Variants in CELF1 observed in about 807,000 individuals in gnomAD.
CELF1 encodes the protein 50 kDa nuclear polyadenylated RNA-binding protein.
Under a neutral mutation model 61.8 loss-of-function variants are expected in CELF1, and 10 were observed. The ratio of observed to expected loss-of-function variants is 0.16; its 90% CI spans 0.10 to 0.27. The LOEUF (loss-of-function observed/expected upper bound fraction) is 0.27. CELF1 is among the 10% of genes least tolerant of loss of function. The pLI, the probability that CELF1 is intolerant of heterozygous loss-of-function variation, is 1.00. For synonymous variants in CELF1, 236 were observed against 225.1 expected (o/e 1.05, Z -0.43); for missense variants, 380 against 639.1 (o/e 0.59, Z 4.37).
At chr11:47,544,359 C>T (rs1169799493) in intron 1 of CELF1, among the ~76,000 whole-genome samples, 1 of 152,188 alleles carries the variant, frequency 6.6e-6, no homozygotes, top group Non-Finnish European at 1.5e-5. Flanking sequence ...CAGTGCCTAG[C>T]ATAAGTTACC....
At chr11:47,478,844 G>A (rs1247627042) in intron 10 of CELF1, 33 bp downstream of exon 10, 3 of 1,546,458 alleles carry the variant, frequency 1.9e-6, no homozygotes, top group South Asian at 2.3e-5. Context: ...TGGCCTGGGT[G>A]CTGCTGCTCC....
chr11:47,483,569 T>G (rs1268753696), intron 7 of CELF1, 37 bp from the exon 8 acceptor site: 1 of 1,503,300 alleles, frequency 6.7e-7, no homozygotes, highest in Admixed American at 1.7e-5. Context: ...TGCATTCATT[T>G]ATTTCTCTGA....
At chr11:47,514,662 C>G (rs558381523) in intron 1 of CELF1, among the ~76,000 whole-genome samples, 6 of 147,560 alleles carry the variant, frequency 4.1e-5, no homozygotes, top group African/African-American at 1.5e-4. Context: ...TTGAGACCAG[C>G]CTCGGCAACA....
Position 47,484,476 on chromosome 11 carries a change from T to C in CELF1, c.439A>G (p.Thr147Ala). The C allele has an allele frequency of 6.2e-7, 1 of 1,613,444 alleles. No homozygotes were observed. The highest frequency in any genetic ancestry group is 8.5e-7 in the Non-Finnish European group (1 of 1,179,706). ...AACATGACTCGGATGTCATTTTCAG[T>C]GCACTTCTTGGAAATCATACCAATA... is the stretch of plus-strand genomic sequence containing the variant. The part of the protein sequence containing the change: ...LFIGMISKKC[T>A]ENDIRVMFSS... Residue 147 changes from threonine to alanine, a missense_variant, in exon 7 of 15, where the codon ACT (threonine) becomes GCT (alanine). Transcript: ENST00000687097.
At chr11:47,561,616 T>C (rs541738091) in intron 2 of CELF1, among the ~76,000 whole-genome samples, 2 of 152,108 alleles carry the variant, frequency 1.3e-5, no homozygotes, top group Non-Finnish European at 1.5e-5. Context: ...AAACTGACAG[T>C]TCTTCAAAAG....
chr11:47,488,847 A>C lies in CELF1; in HGVS notation c.249T>G (p.Pro83=). The C allele has an allele frequency of 6.4e-7, 1 of 1,556,390 alleles. No homozygotes were observed. Among genetic ancestry groups the C allele is most frequent in the Non-Finnish European group, 8.7e-7 (1 of 1,153,452 alleles). Residue 83 remains proline, a synonymous_variant, in exon 4 of 15, where the codon CCT becomes CCG. Coordinates refer to ENST00000687097, the MANE Select transcript of CELF1 (RefSeq NM_001376376.1). ...NVLRDRSQNP[P]QSKGCCFVTF... ...ACCCAAAGCCCTAACCTTTGCTCTG[A>C]GGCGGGTTTTGGCTCCTATCCCTTA...
At chr11:47,481,090 T>C (rs1217028770) in intron 9 of CELF1, among the ~76,000 whole-genome samples, 1 of 105,564 alleles carries the variant, frequency 9.5e-6, no homozygotes, top group Non-Finnish European at 2.2e-5. Flanking sequence ...GGTTTTTTTT[T>C]TTTTTCTTCT....
chr11:47,478,764 C>A, intron 10 of CELF1, 113 bp downstream of exon 10: 1 of 821,132 alleles, frequency 1.2e-6, no homozygotes, highest in South Asian at 1.5e-5. Context: ...GTCAGGTTTA[C>A]ATAATAAGCA....
intron 1 of CELF1, among the ~76,000 whole-genome samples, chr11:47,515,347 T>C (rs2095497501): frequency 6.6e-6 from 1 of 152,198 alleles, no homozygotes; most frequent in Non-Finnish European, 1.5e-5. Flanking sequence ...ACAAAGTACC[T>C]AATTCAAACC....
chr11:47,481,102 CTTTTTTTT>C (rs1187959061), intron 9 of CELF1, among the ~76,000 whole-genome samples: 428 of 71,412 alleles, frequency 6.0e-3, no homozygotes, highest in African/African-American at 0.023. Context: ...TTTTCTTCTT[CTTTTTTTT>C]TTTTTTTTTT....
chr11:47,499,586 T>C lies in CELF1; in HGVS notation c.-63A>G, dbSNP rs2093639224. On this transcript the variant is annotated 5_prime_UTR_variant, in exon 3 of 15. Transcript: ENST00000687097. ...TTGCTGCACTTGTCTGATCCACAAA[T>C]ACACACAGCTTTAGCTTCCTGGGCC... 4 of 1,328,992 alleles carry C rather than the reference T, an allele frequency of 3.0e-6. No individual in the cohort carries two copies. Among genetic ancestry groups the C allele is most frequent in the Admixed American group, 4.0e-5 (2 of 50,208 alleles). 82.3% of individuals were successfully genotyped at this position (1,328,992 alleles called of 1,614,324 possible).
intron 1 of CELF1, among the ~76,000 whole-genome samples, chr11:47,522,020 C>G (rs2095931367): frequency 6.6e-6 from 1 of 151,886 alleles, no homozygotes; most frequent in Non-Finnish European, 1.5e-5. Flanking sequence ...GAGAGATTCT[C>G]CGGCCTCAGC....
intron 9 of CELF1, 67 bp downstream of exon 9, chr11:47,482,628 G>C: frequency 2.7e-6 from 4 of 1,483,712 alleles, no homozygotes; most frequent in Middle Eastern, 2.4e-4. Flanking sequence ...TTGTTGGCTA[G>C]GGACAGCAGA....
At chr11:47,550,334 C>T (rs1247674044) in intron 1 of CELF1, among the ~76,000 whole-genome samples, 1 of 151,970 alleles carries the variant, frequency 6.6e-6, no homozygotes, top group Non-Finnish European at 1.5e-5. Context: ...AGTTCTAGAT[C>T]GGCCTGGCCA....
At chr11:47,561,137 CA>C (rs34223231) in intron 2 of CELF1, among the ~76,000 whole-genome samples, 22,704 of 105,682 alleles carry the variant, frequency 0.21, 2,495 homozygotes, top group African/African-American at 0.35. Flanking sequence ...GACTCTGTCT[CA>C]AAAAAAAAAA....
chr11:47,511,421 G>A (rs1287624199), intron 1 of CELF1, among the ~76,000 whole-genome samples: 1 of 151,406 alleles, frequency 6.6e-6, no homozygotes, highest in Non-Finnish European at 1.5e-5. Context: ...TATTATATCT[G>A]GCTTTGACAT....
In CELF1 at chr11:47,467,204, T is replaced by A. The variant is rs973652336; in HGVS notation, c.*5026A>T. ...CTGGGTGGGATCTATCATCAGCTCCTCCCCCTGTAACCTCTTCCCTCCACA... is the reference window on the plus strand; with the variant it reads ...CTGGGTGGGATCTATCATCAGCTCCACCCCCTGTAACCTCTTCCCTCCACA... On this transcript the variant is annotated 3_prime_UTR_variant, in exon 15 of 15. Transcript: ENST00000687097. The A allele has an allele frequency of 8.5e-5, 13 of 152,210 alleles. No homozygotes were observed. Among genetic ancestry groups the A allele is most frequent in the Admixed American group, 3.9e-4 (6 of 15,248 alleles). 9.4% of individuals were successfully genotyped at this position (152,210 alleles called of 1,614,324 possible). A position where few individuals can be genotyped will look rare whatever the true frequency, so the allele number is the denominator to read the frequency against.
chr11:47,551,855 T>C (rs1001055005), intron 1 of CELF1, among the ~76,000 whole-genome samples: 1 of 151,982 alleles, frequency 6.6e-6, no homozygotes, highest in Non-Finnish European at 1.5e-5. Context: ...CCGTCTATAC[T>C]AAAAATACGA....
At chr11:47,564,562 G>A (rs1165622724) in intron 1 of CELF1, 1 of 152,262 alleles carries the variant, frequency 6.6e-6, no homozygotes, top group Admixed American at 6.5e-5. Context: ...CACTTTGGGA[G>A]GCTGAGGTGG....
Sources: gnomAD v4.1 joint callset for allele counts (sites outside exome capture counted in the v4.1 genomes callset) on GRCh38, gnomAD v4.1.1 for gene constraint, MANE v1.5 for transcripts, NCBI Gene and HGNC (gene_info 2026-07-23, HGNC 2026-07-21) for gene names.